The following ATP6V1C2 variants were observed in gnomAD, a reference collection of about 807,000 sequenced individuals.
The protein encoded by ATP6V1C2 is V-type proton ATPase subunit C 2.
ATP6V1C2 carries 45 observed loss-of-function variants against 56.8 expected under a neutral mutation model. That is an observed-to-expected ratio of 0.79 (90% CI 0.62 to 1.02). ATP6V1C2 has a LOEUF of 1.02. Among genes scored for constraint, ATP6V1C2 ranks in the 50% least tolerant of loss-of-function variants. The pLI, the probability that ATP6V1C2 is intolerant of heterozygous loss-of-function variation, is 0.00. For missense variants in ATP6V1C2, 463 were observed against 519.7 expected (o/e 0.89, Z 1.06); for synonymous variants, 220 against 201.3 (o/e 1.09, Z -0.79).
intron 3 of ATP6V1C2, among the ~76,000 whole-genome samples, chr2:10,741,193 A>G (rs1303326880): frequency 2.6e-5 from 4 of 152,232 alleles, no homozygotes; most frequent in Admixed American, 1.3e-4. Context: ...TGTGAAGCCA[A>G]GTTGGAATTT....
At chr2:10,772,697 G>A (rs1664703288) in intron 8 of ATP6V1C2, 87 bp downstream of exon 8, 1 of 1,181,852 alleles carries the variant, frequency 8.5e-7, no homozygotes, top group African/African-American at 1.5e-5. Flanking sequence ...ATGCCCCGAG[G>A]GTGTGAGGCT....
intron 3 of ATP6V1C2, among the ~76,000 whole-genome samples, chr2:10,728,879 C>T (rs1261809462): frequency 6.6e-6 from 1 of 150,442 alleles, no homozygotes; most frequent in Non-Finnish European, 1.5e-5. Flanking sequence ...TGGCTCACAC[C>T]TATAATCTCA....
chr2:10,748,055 G>A (rs1056664986), intron 3 of ATP6V1C2, among the ~76,000 whole-genome samples: 4 of 151,914 alleles, frequency 2.6e-5, no homozygotes, highest in Admixed American at 6.6e-5. Context: ...GCACCACTAC[G>A]CCCGGCTAAT....
rs550293793 is a variant in ATP6V1C2, at chr2:10,775,468, G to A, written c.825+397G>A. On this transcript the variant is annotated intron_variant, in intron 10 of 13. Coordinates refer to ENST00000272238, the MANE Select transcript of ATP6V1C2 (RefSeq NM_001039362.2). Reference sequence around the variant, plus strand: ...TGAGCAAGGCACGTGGGCTCCAGGCGGGAGCATCTGTGTGCAGGGTGGGCA... The same window carrying A: ...TGAGCAAGGCACGTGGGCTCCAGGCAGGAGCATCTGTGTGCAGGGTGGGCA... Among the ~76,000 whole-genome samples, 228 of 152,312 alleles carry A rather than the reference G, an allele frequency of 1.5e-3. 1 individual carries two copies. Among genetic ancestry groups the A allele is most frequent in the African/African-American group, 5.2e-3 (216 of 41,562 alleles).
At chr2:10,721,759 C>G (rs1661370809) in intron 1 of ATP6V1C2, 28 bp downstream of exon 1, 1 of 152,090 alleles carries the variant, frequency 6.6e-6, no homozygotes, top group Non-Finnish European at 1.5e-5. Context: ...AGCGGGGACC[C>G]GAGGCAGGGG....
chr2:10,727,710 C>CT (rs1489695848), intron 3 of ATP6V1C2, among the ~76,000 whole-genome samples: 1 of 152,042 alleles, frequency 6.6e-6, no homozygotes, highest in Non-Finnish European at 1.5e-5. Flanking sequence ...ACCAGCCTGG[C>CT]CAAGACGGTG....
At chr2:10,737,288 G>T (rs1425560447) in intron 3 of ATP6V1C2, among the ~76,000 whole-genome samples, 1 of 150,328 alleles carries the variant, frequency 6.7e-6, no homozygotes, top group Non-Finnish European at 1.5e-5. Context: ...AGATTAACCA[G>T]GTGTGGTGGT....
chr2:10,783,728 GAA>G lies in ATP6V1C2; in HGVS notation c.*468_*469del, dbSNP rs1297511047. On this transcript the variant is annotated 3_prime_UTR_variant, in exon 14 of 14. Transcript: ENST00000272238. The stretch of plus-strand genomic sequence containing the variant: ...GTGGGCATAGGTGGCACCATCTAAA[GAA>G]AAGAGGTCTTGTTTTTTGTTTAAAA... 6.3e-6 allele frequency: 1 copy of G among 157,520 alleles called. No individual in the cohort carries two copies. 9.8% of individuals were successfully genotyped at this position (157,520 alleles called of 1,614,324 possible).
chr2:10,759,077 G>A (rs1290595846), intron 4 of ATP6V1C2, among the ~76,000 whole-genome samples: 1 of 152,236 alleles, frequency 6.6e-6, no homozygotes, highest in Non-Finnish European at 1.5e-5. Context: ...ATGAACCAGA[G>A]GCACACATTG....
At chr2:10,767,426 G>A (rs1189423964) in intron 5 of ATP6V1C2, among the ~76,000 whole-genome samples, 1 of 151,934 alleles carries the variant, frequency 6.6e-6, no homozygotes, top group African/African-American at 2.4e-5. Context: ...GCCTCTCAAA[G>A]TGCTAGGATT....
At chr2:10,762,253 C>T (rs535519476) in intron 4 of ATP6V1C2, among the ~76,000 whole-genome samples, 2 of 150,610 alleles carry the variant, frequency 1.3e-5, no homozygotes, top group South Asian at 4.2e-4. Flanking sequence ...TCAAGCGATT[C>T]TTCTGCCTCA....
At chr2:10,734,069 A>T (rs1000073349) in intron 3 of ATP6V1C2, among the ~76,000 whole-genome samples, 2 of 152,196 alleles carry the variant, frequency 1.3e-5, no homozygotes, top group East Asian at 3.8e-4. Context: ...TCAGATTGAG[A>T]TGACCTATGT....
Position 10,780,384 on chromosome 2 carries a change from TC to T in ATP6V1C2, c.1061+1717del, listed in dbSNP as rs1202512194. On this transcript the variant is annotated intron_variant, in intron 12 of 13. Coordinates refer to ENST00000272238, the MANE Select transcript of ATP6V1C2 (RefSeq NM_001039362.2). The surrounding 1 kb of genome is among the most constrained non-coding windows in gnomAD (Gnocchi z 4.1). The stretch of plus-strand genomic sequence containing the variant: ...ATAAGCCTCCTCTCTGTTCTTGGCC[TC>T]CAATTCCCCTTCCATGTGGCTGTCA... Among the ~76,000 whole-genome samples the T allele has an allele frequency of 6.6e-6, 1 of 152,320 alleles. No individual in the cohort carries two copies. The highest frequency in any genetic ancestry group is 1.5e-5 in the Non-Finnish European group (1 of 68,036).
At chr2:10,771,137 G>C (rs1664574172) in intron 6 of ATP6V1C2, among the ~76,000 whole-genome samples, 1 of 152,218 alleles carries the variant, frequency 6.6e-6, no homozygotes, top group African/African-American at 2.4e-5. Flanking sequence ...TCCCTGAGGA[G>C]GGTGTTTCCC....
At chr2:10,722,718 C>T in intron 1 of ATP6V1C2, 106 bp from the exon 2 acceptor site, 1 of 1,263,394 alleles carries the variant, frequency 7.9e-7, no homozygotes, top group South Asian at 1.5e-5. Flanking sequence ...CCTTGGAGCT[C>T]ATCCTAGAAA....
chr2:10,738,972 G>T lies in ATP6V1C2; in HGVS notation c.197+12403G>T, dbSNP rs144495177. Among the ~76,000 whole-genome samples, 754 of 152,278 alleles carry T rather than the reference G, an allele frequency of 5.0e-3. 4 individuals carry two copies. The highest frequency in any genetic ancestry group is 7.6e-3 in the Non-Finnish European group (515 of 68,030). ...ACCTTCATTGCGTTCCTGTGTTTTTGCAACAGACTCAGTTGTCTCCCGTTT... is the reference window on the plus strand; with the variant it reads ...ACCTTCATTGCGTTCCTGTGTTTTTTCAACAGACTCAGTTGTCTCCCGTTT... On this transcript the variant is annotated intron_variant, in intron 3 of 13. Coordinates refer to ENST00000272238, the MANE Select transcript of ATP6V1C2 (RefSeq NM_001039362.2).
intron 12 of ATP6V1C2, among the ~76,000 whole-genome samples, chr2:10,779,113 T>C: frequency 6.6e-6 from 1 of 151,892 alleles, no homozygotes; most frequent in East Asian, 1.9e-4. Context: ...GCCTTTTTTT[T>C]TTTTATTTGA....
chr2:10,745,046 T>C (rs1441293923), intron 3 of ATP6V1C2, among the ~76,000 whole-genome samples: 4 of 147,180 alleles, frequency 2.7e-5, no homozygotes, highest in African/African-American at 1.0e-4. Flanking sequence ...ATTTTCTTTT[T>C]TTTTTTTTTT....
At chr2:10,757,629 A>G (rs1419065745) in intron 4 of ATP6V1C2, among the ~76,000 whole-genome samples, 1 of 152,120 alleles carries the variant, frequency 6.6e-6, no homozygotes, top group Non-Finnish European at 1.5e-5. Context: ...CCACCATCTC[A>G]TCCCCTCCCC....
Sources: gnomAD v4.1 joint callset for allele counts (sites outside exome capture counted in the v4.1 genomes callset) on GRCh38, gnomAD v4.1.1 for gene constraint, Gnocchi (gnomAD v3.1) non-coding constraint, MANE v1.5 for transcripts, NCBI Gene and HGNC (gene_info 2026-07-23, HGNC 2026-07-21) for gene names.